NOS2: variants seen among roughly 807,000 people sequenced by gnomAD.
The protein encoded by NOS2 is nitric oxide synthase, inducible.
NOS2 carries 96 observed loss-of-function variants against 136.0 expected under a neutral mutation model. The ratio of observed to expected loss-of-function variants is 0.71; its 90% confidence interval spans 0.60 to 0.84. The LOEUF is 0.84. Among genes scored for constraint, NOS2 ranks in the 40% least tolerant of loss-of-function variants. The probability of loss-of-function intolerance (pLI) is 0.00; values close to 1 mark genes in which losing one functional copy is unlikely to be tolerated. For synonymous variants in NOS2, 539 were observed against 587.5 expected (o/e 0.92, Z 1.20); for missense variants, 1,237 against 1,496.9 (o/e 0.83, Z 2.87).
intron 2 of NOS2, among the ~76,000 whole-genome samples, chr17:27,798,449 C>G (rs1236335759): frequency 6.6e-6 from 1 of 152,022 alleles, no homozygotes; most frequent in Non-Finnish European, 1.5e-5. Flanking sequence ...ATATTCTTCC[C>G]CAAAGATTCC....
Position 27,757,384 on chromosome 17 carries a change from A to T in NOS2, c.3355-31T>A, listed in dbSNP as rs766999834. ...AGGTAAAAACAGAGAGCAACGTGTC[A>T]AGTCCAGGCTGGGATGAGCCCCTGG... On this transcript the variant is annotated intron_variant, in intron 26 of 26. Coordinates refer to ENST00000313735, the MANE Select transcript of NOS2 (RefSeq NM_000625.4). The T allele has an allele frequency of 5.6e-6, 9 of 1,604,556 alleles. 1 individual carries two copies. In the South Asian group the frequency reaches 1.0e-4, roughly 18 times the overall value.
At chr17:27,768,836 T>A in intron 17 of NOS2, 141 bp downstream of exon 17, 1 of 893,380 alleles carries the variant, frequency 1.1e-6, no homozygotes, top group Non-Finnish European at 1.6e-6. Context: ...CTCAGGTTTG[T>A]GGCCCTGGCC....
intron 5 of NOS2, among the ~76,000 whole-genome samples, chr17:27,784,905 T>C (rs1450760560): frequency 6.6e-6 from 1 of 152,204 alleles, no homozygotes; most frequent in Non-Finnish European, 1.5e-5. Context: ...TACTTGTGAC[T>C]TGGAAAAATA....
At chr17:27,760,567 C>T (rs1908085935) in intron 24 of NOS2, 56 bp downstream of exon 24, 1 of 1,550,108 alleles carries the variant, frequency 6.5e-7, no homozygotes. Flanking sequence ...AGTTCTGCTC[C>T]TAGGCAGGCG....
rs1287973959 is a variant in NOS2, at chr17:27,760,666, G to T, written c.2967C>A (p.Phe989Leu). 3 of 1,552,954 alleles carry T rather than the reference G, an allele frequency of 1.9e-6. No homozygotes were observed. In the South Asian group the frequency reaches 3.6e-5, roughly 18 times the overall value. ...GGAGCCGTTGCTGCCAGAAACTGCGGAAGGGCGCGATGCCTGTGCCAGGCC... is the reference window on the plus strand; with the variant it reads ...GGAGCCGTTGCTGCCAGAAACTGCGTAAGGGCGCGATGCCTGTGCCAGGCC... ...LIGPGTGIAP[F>L]RSFWQQRLHD... Residue 989 changes from phenylalanine (F) to leucine (L), a missense_variant, in exon 24 of 27, where the codon TTC becomes TTA. Transcript: ENST00000313735.
chr17:27,797,423 T>G (rs2142532339), intron 2 of NOS2, among the ~76,000 whole-genome samples: 1 of 152,362 alleles, frequency 6.6e-6, no homozygotes, highest in East Asian at 1.9e-4. Context: ...TACCCTCTTC[T>G]TATAGAGGAG....
intron 21 of NOS2, 78 bp downstream of exon 21, chr17:27,763,903 A>C (rs575318333): frequency 8.1e-7 from 1 of 1,238,730 alleles, no homozygotes; most frequent in Non-Finnish European, 1.1e-6. Flanking sequence ...TTGAAAGTTA[A>C]AACCAGCTCT....
At chr17:27,800,256 C>T (rs867765324) in intron 1 of NOS2, 83 bp downstream of exon 1, 1 of 152,108 alleles carries the variant, frequency 6.6e-6, no homozygotes. Flanking sequence ...CAGAAAATTC[C>T]CACAATTTTC....
chr17:27,789,271 T>C (rs1311034595), intron 3 of NOS2, among the ~76,000 whole-genome samples: 1 of 152,204 alleles, frequency 6.6e-6, no homozygotes, highest in Non-Finnish European at 1.5e-5. Context: ...ATTCCTTCCC[T>C]GGGAGCATGT....
intron 2 of NOS2, among the ~76,000 whole-genome samples, chr17:27,797,556 A>T (rs1909391347): frequency 1.3e-5 from 2 of 152,234 alleles, no homozygotes; most frequent in South Asian, 4.1e-4. Flanking sequence ...CCTCTGACAG[A>T]TACACTCAGG....
In NOS2 at chr17:27,773,031, T is replaced by G. The variant is rs543891998; in HGVS notation, c.1559+130A>C. On this transcript the variant is annotated intron_variant, in intron 13 of 26. Coordinates refer to ENST00000313735, the MANE Select transcript of NOS2 (RefSeq NM_000625.4). ...GCCTGGGTGACAGAGTAAGACCCTG[T>G]CTCAAAAACAAAAGCAAAAAGCATA... The G allele has an allele frequency of 1.4e-5, 11 of 795,242 alleles. No individual in the cohort carries two copies. In the African/African-American group the frequency reaches 1.9e-4, roughly 14 times the overall value. The allele number at this position is 795,242 out of a possible 1,614,324, so 49.3% of individuals were successfully genotyped here.
chr17:27,799,097 A>T (rs1909449998), intron 1 of NOS2, among the ~76,000 whole-genome samples: 1 of 151,030 alleles, frequency 6.6e-6, no homozygotes, highest in Admixed American at 6.6e-5. Flanking sequence ...TTAAGGAAAA[A>T]CAATGAACCC....
At chr17:27,798,481 C>T (rs1204775626) in intron 2 of NOS2, among the ~76,000 whole-genome samples, 2 of 152,104 alleles carry the variant, frequency 1.3e-5, no homozygotes, top group Non-Finnish European at 2.9e-5. Flanking sequence ...GGGCCAGCCC[C>T]GCACCATGTC....
rs1243930096 is a variant in NOS2, at chr17:27,764,154, G to C, written c.2429-10C>G. On this transcript the variant is annotated splice_polypyrimidine_tract_variant and intron_variant, in intron 20 of 26. Transcript: ENST00000313735. ...CTGACCCAGTAGCTGCCTGGATGGG[G>C]AAGGAAGGTGTCAGGATGGAAAAGA... 2 of 1,483,508 alleles carry C rather than the reference G, an allele frequency of 1.3e-6. No homozygotes were observed. Among genetic ancestry groups the C allele is most frequent in the African/African-American group, 2.9e-5 (2 of 68,066 alleles). The allele number at this position is 1,483,508 out of a possible 1,614,324, so 91.9% of individuals were successfully genotyped here.
chr17:27,768,913 T>A, intron 17 of NOS2, 64 bp downstream of exon 17: 1 of 1,477,310 alleles, frequency 6.8e-7, no homozygotes. Context: ...CCAGCACAGA[T>A]GTCCTAGGCA....
At chr17:27,770,515 A>AACAC (rs1344508271) in intron 15 of NOS2, among the ~76,000 whole-genome samples, 14 of 152,172 alleles carry the variant, frequency 9.2e-5, no homozygotes, top group East Asian at 7.7e-4. Context: ...TAAACAAACA[A>AACAC]ACACCAAAAA....
chr17:27,769,277 C>A, intron 16 of NOS2, 126 bp from the exon 17 acceptor site: 1 of 1,008,868 alleles, frequency 9.9e-7, no homozygotes, highest in South Asian at 1.6e-5. Flanking sequence ...TGGAGCTGGA[C>A]CCCCTTCTGG....
At chr17:27,780,163 G>A (rs537562272) in intron 9 of NOS2, among the ~76,000 whole-genome samples, 18 of 152,306 alleles carry the variant, frequency 1.2e-4, no homozygotes, top group Admixed American at 1.0e-3. Flanking sequence ...TTGACAAGAA[G>A]AAATGAGCCT....
At chr17:27,769,838 C>G (rs1412350263) in intron 15 of NOS2, among the ~76,000 whole-genome samples, 1 of 152,188 alleles carries the variant, frequency 6.6e-6, no homozygotes, top group Non-Finnish European at 1.5e-5. Flanking sequence ...ACAGCTGGGC[C>G]CCCACCCATC....
Sources: gnomAD v4.1 joint callset for allele counts (sites outside exome capture counted in the v4.1 genomes callset) on GRCh38, gnomAD v4.1.1 for gene constraint, MANE v1.5 for transcripts, NCBI Gene and HGNC (gene_info 2026-07-23, HGNC 2026-07-21) for gene names.